Variants in SH3BP4 observed in about 807,000 individuals in gnomAD.
SH3BP4 encodes SH3 domain binding protein 4.
A neutral mutation model predicts 65.5 loss-of-function variants in SH3BP4; 33 were observed. The observed-to-expected ratio is 0.50, with a 90% CI of 0.38 to 0.67. The LOEUF is 0.67. Among genes scored for constraint, SH3BP4 ranks in the 30% least tolerant of loss-of-function variants. SH3BP4 has a pLI of 0.00. For synonymous variants in SH3BP4, 552 were observed against 545.5 expected (o/e 1.01, Z -0.17); for missense variants, 1,134 against 1,261.4 (o/e 0.90, Z 1.53).
chr2:235,038,349 T>TATATATACTATATA (rs1559254445), intron 3 of SH3BP4, among the ~76,000 whole-genome samples: 1 of 12,596 alleles, frequency 7.9e-5, no homozygotes, highest in African/African-American at 2.1e-4. Flanking sequence ...GTATATATAT[T>TATATATACTATATA]TTATATATAT....
At chr2:234,954,096 G>A (rs2106236364) in intron 1 of SH3BP4, among the ~76,000 whole-genome samples, 1 of 152,074 alleles carries the variant, frequency 6.6e-6, no homozygotes, top group Non-Finnish European at 1.5e-5. Context: ...GATTTGTATG[G>A]CTCACTTGTT....
chr2:234,988,351 A>C (rs189525927), intron 1 of SH3BP4, among the ~76,000 whole-genome samples: 1 of 151,758 alleles, frequency 6.6e-6, no homozygotes, highest in Non-Finnish European at 1.5e-5. Flanking sequence ...GAGCCACCAC[A>C]CCCGGCCCGC....
In SH3BP4 at chr2:234,974,725, G is replaced by T. The variant is rs963000678; in HGVS notation, c.-206-20578G>T. Reference sequence around the variant, plus strand: ...CTCTCTTAGTTCCGAAAAATCGAGGGGTTCCTTGCCAGCTTCTCTGGCTCC... The same window carrying T: ...CTCTCTTAGTTCCGAAAAATCGAGGTGTTCCTTGCCAGCTTCTCTGGCTCC... On this transcript the variant is annotated intron_variant, in intron 1 of 5. Coordinates refer to ENST00000392011, the MANE Select transcript of SH3BP4 (RefSeq NM_014521.3). The surrounding 1 kb of genome is among the most constrained non-coding windows in gnomAD (Gnocchi z 4.6). 6.6e-6 allele frequency among the ~76,000 whole-genome samples: 1 copy of T among 152,150 alleles called. No homozygotes were observed. Among genetic ancestry groups the T allele is most frequent in the Non-Finnish European group, 1.5e-5 (1 of 68,034 alleles).
intron 1 of SH3BP4, among the ~76,000 whole-genome samples, chr2:234,994,044 C>T (rs991328410): frequency 1.3e-5 from 2 of 152,192 alleles, no homozygotes; most frequent in African/African-American, 4.8e-5. Context: ...TGTGATTTTG[C>T]ACATCGCTTG....
In SH3BP4 at chr2:235,042,606, C is replaced by A; in HGVS notation, c.1837C>A (p.Pro613Thr). The part of the protein sequence containing the change: ...QFCVQTPQPP[P>T]KSAIKPSGQR... ...TTGTGTCCAGACTCCTCAGCCACCC[C>A]CTAAAAGTGCCATCAAGCCTTCCGG... The change falls in exon 4 of 6, where the codon CCT becomes ACT. Residue 613 changes from proline to threonine, a missense_variant. By Grantham distance (38) the Pro-to-Thr change is conservative. Coordinates refer to ENST00000392011, the MANE Select transcript of SH3BP4 (RefSeq NM_014521.3). The surrounding 1 kb of genome is among the most constrained non-coding windows in gnomAD (Gnocchi z 7.3). The A allele has an allele frequency of 6.2e-7, 1 of 1,614,064 alleles. No homozygotes were observed. Among genetic ancestry groups the A allele is most frequent in the South Asian group, 1.1e-5 (1 of 91,072 alleles).
Position 235,042,653 on chromosome 2 carries a change from G to A in SH3BP4, c.1884G>A (p.Lys628=), listed in dbSNP as rs1695707243. ...CCGGGCAAAGGAGGTTTCTCAAGAA[G>A]AACGAAGTCGGGAAAATCATCCTGT... ...KPSGQRRFLK[K]NEVGKIILSP... Residue 628 remains lysine, a synonymous_variant, in exon 4 of 6, where the codon AAG becomes AAA. Coordinates refer to ENST00000392011, the MANE Select transcript of SH3BP4 (RefSeq NM_014521.3). The surrounding 1 kb of genome is among the most constrained non-coding windows in gnomAD (Gnocchi z 7.3). 1.2e-6 allele frequency: 2 copies of A among 1,614,174 alleles called. No individual in the cohort carries two copies. The highest frequency in any genetic ancestry group is 1.7e-5 in the Admixed American group (1 of 60,028).
chr2:235,024,644 A>C (rs1694943229), intron 2 of SH3BP4, among the ~76,000 whole-genome samples: 1 of 152,138 alleles, frequency 6.6e-6, no homozygotes, highest in African/African-American at 2.4e-5. Flanking sequence ...CAGTTTTCTC[A>C]TCTGTAAGAT....
At chr2:235,022,383 G>A (rs750852224) in intron 2 of SH3BP4, among the ~76,000 whole-genome samples, 5 of 152,168 alleles carry the variant, frequency 3.3e-5, no homozygotes, top group East Asian at 1.9e-4. Context: ...GTGAAAACCC[G>A]TCTCTAATAA....
At chr2:235,018,959 G>A (rs886682280) in intron 2 of SH3BP4, among the ~76,000 whole-genome samples, 1 of 152,186 alleles carries the variant, frequency 6.6e-6, no homozygotes, top group Admixed American at 6.5e-5. Flanking sequence ...AGTGACACTG[G>A]CCTGAGATCT....
chr2:234,979,577 A>C (rs1225008817), intron 1 of SH3BP4: 1 of 152,228 alleles, frequency 6.6e-6, no homozygotes, highest in East Asian at 1.9e-4. Context: ...CTTGCTTCTA[A>C]CCAGTAGGAT....
chr2:234,966,928 C>A (rs573525872), intron 1 of SH3BP4, among the ~76,000 whole-genome samples: 1 of 152,316 alleles, frequency 6.6e-6, no homozygotes. Context: ...ACTTCGCTAA[C>A]TAATCACATT....
chr2:234,958,975 CG>C (rs1049416472), intron 1 of SH3BP4, among the ~76,000 whole-genome samples: 2 of 152,004 alleles, frequency 1.3e-5, no homozygotes, highest in African/African-American at 4.8e-5. Flanking sequence ...TTGGGGTACC[CG>C]TGCGGTGGGG....
intron 4 of SH3BP4, among the ~76,000 whole-genome samples, chr2:235,043,846 G>C (rs1175426847): frequency 1.3e-5 from 2 of 152,296 alleles, no homozygotes; most frequent in African/African-American, 4.8e-5. Flanking sequence ...AAGTGTGCTT[G>C]AAGTGGAGAT....
At chr2:235,009,077 T>C (rs534037775) in intron 2 of SH3BP4, among the ~76,000 whole-genome samples, 1 of 152,356 alleles carries the variant, frequency 6.6e-6, no homozygotes, top group South Asian at 2.1e-4. Context: ...GAGAGCTTAA[T>C]GTTCATCACT....
intron 1 of SH3BP4, among the ~76,000 whole-genome samples, chr2:234,984,380 T>TG (rs1471960526): frequency 6.6e-6 from 1 of 151,982 alleles, no homozygotes; most frequent in Non-Finnish European, 1.5e-5. Context: ...TTTTTTTTTT[T>TG]TAACTTTTTG....
At chr2:234,984,029 G>T (rs191523142) in intron 1 of SH3BP4, among the ~76,000 whole-genome samples, 13 of 152,320 alleles carry the variant, frequency 8.5e-5, no homozygotes, top group Admixed American at 5.9e-4. Context: ...AGGGAGTTAC[G>T]TTTGAGCAGA....
Position 235,035,542 on chromosome 2 carries a change from G to A in SH3BP4, c.118+422G>A, listed in dbSNP as rs113085524. ...GGAAATATTTGAAGCTTTGCAGGCC[G>A]TATACCATCTCTGTCACAACTATTC... On this transcript the variant is annotated intron_variant, in intron 3 of 5. Coordinates refer to ENST00000392011, the MANE Select transcript of SH3BP4 (RefSeq NM_014521.3). The surrounding 1 kb of genome is among the most constrained non-coding windows in gnomAD (Gnocchi z 5.0). Among the ~76,000 whole-genome samples the A allele has an allele frequency of 9.6e-4, 146 of 152,302 alleles. No individual in the cohort carries two copies. The highest frequency in any genetic ancestry group is 1.3e-3 in the Admixed American group (20 of 15,292).
At chr2:235,050,590 C>T (rs763873077) in intron 4 of SH3BP4, among the ~76,000 whole-genome samples, 13 of 151,962 alleles carry the variant, frequency 8.6e-5, no homozygotes, top group Non-Finnish European at 1.6e-4. Flanking sequence ...TGCTGGGGGC[C>T]CACCTAGAAG....
intron 1 of SH3BP4, among the ~76,000 whole-genome samples, chr2:234,980,972 A>G (rs1379312537): frequency 6.6e-6 from 1 of 151,822 alleles, no homozygotes; most frequent in African/African-American, 2.4e-5. Flanking sequence ...GCCCACTGCA[A>G]CCTCCGCCTC....
Sources: allele counts gnomAD v4.1 joint callset (sites outside exome capture counted in the v4.1 genomes callset), GRCh38; gene constraint gnomAD v4.1.1; non-coding constraint Gnocchi (gnomAD v3.1); transcripts MANE v1.5; gene names NCBI Gene and HGNC (gene_info 2026-07-23, HGNC 2026-07-21).